The following COBL variants were observed in gnomAD, a reference collection of about 807,000 sequenced individuals.
COBL encodes the protein protein cordon-bleu.
COBL carries 51 observed loss-of-function variants against 98.8 expected under a neutral mutation model. The observed-to-expected ratio is 0.52, with a 90% confidence interval of 0.41 to 0.65. COBL has a LOEUF of 0.65. COBL is among the 30% of genes least tolerant of loss of function. COBL has a pLI of 0.00. For missense variants in COBL, 1,617 were observed against 1,617.5 expected (o/e 1.00, Z 0.01); for synonymous variants, 634 against 651.7 (o/e 0.97, Z 0.41).
At chr7:51,121,599 G>C (rs1407194425) in intron 6 of COBL, among the ~76,000 whole-genome samples, 1 of 152,186 alleles carries the variant, frequency 6.6e-6, no homozygotes, top group Non-Finnish European at 1.5e-5. Flanking sequence ...TGAACCCAGA[G>C]CAGTCAAGGC....
chr7:51,017,585 T>G lies in COBL; in HGVS notation c.3769-17A>C, dbSNP rs370387174. 4 of 1,613,714 alleles carry G rather than the reference T, an allele frequency of 2.5e-6. No homozygotes were observed. The African/African-American group carries it at 5.3e-5, about 22-fold the overall frequency. Reference sequence around the variant, plus strand: ...CAAGGGCACCTGCAGGGAAGAGAGATTCACAGTTATTTGGTATGTCAATAA... The same window carrying G: ...CAAGGGCACCTGCAGGGAAGAGAGAGTCACAGTTATTTGGTATGTCAATAA... On this transcript the variant is annotated splice_polypyrimidine_tract_variant and intron_variant, in intron 12 of 12. Transcript: ENST00000265136.
At chr7:51,171,758 CAT>C (rs1472937229) in intron 5 of COBL, among the ~76,000 whole-genome samples, 3 of 151,962 alleles carry the variant, frequency 2.0e-5, no homozygotes, top group African/African-American at 7.2e-5. Context: ...AATTTTATAA[CAT>C]ATTTTACTTA....
chr7:51,024,256 C>A (rs574390433), intron 12 of COBL, among the ~76,000 whole-genome samples: 1 of 152,100 alleles, frequency 6.6e-6, no homozygotes, highest in Non-Finnish European at 1.5e-5. Context: ...TTGCAGTGAG[C>A]CGAGATCGCG....
intron 1 of COBL, among the ~76,000 whole-genome samples, chr7:51,281,991 G>A (rs2129177206): frequency 1.3e-5 from 2 of 152,168 alleles, no homozygotes; most frequent in South Asian, 2.1e-4. Context: ...TAAGGAGACT[G>A]TGAGAAGTTT....
At chr7:51,316,388 G>C (rs1038708227) in intron 1 of COBL, 1 of 346,846 alleles carries the variant, frequency 2.9e-6, no homozygotes, top group African/African-American at 2.2e-5. Context: ...CCTGGGCAAC[G>C]ACCCGGGTGC....
intron 1 of COBL, among the ~76,000 whole-genome samples, chr7:51,269,743 T>C (rs577648043): frequency 6.6e-6 from 1 of 152,368 alleles, no homozygotes; most frequent in Admixed American, 6.5e-5. Context: ...AGAGGTTCTT[T>C]ATAGACCCTT....
At chr7:51,085,035 T>G in intron 7 of COBL, 131 bp downstream of exon 7, 1 of 1,310,778 alleles carries the variant, frequency 7.6e-7, no homozygotes, top group Non-Finnish European at 1.1e-6. Flanking sequence ...CAGCCCTTCT[T>G]TCTTTAGCAT....
intron 6 of COBL, among the ~76,000 whole-genome samples, chr7:51,086,647 A>AGT (rs1043581462): frequency 5.6e-5 from 7 of 124,010 alleles, no homozygotes; most frequent in South Asian, 2.6e-4. Context: ...AGAGAGAGAG[A>AGT]GTGTGTGTGT....
Position 51,268,109 on chromosome 7 carries a change from G to T in COBL, c.42-48165C>A, listed in dbSNP as rs56832114. The stretch of plus-strand genomic sequence containing the variant: ...CCCTGCAGGCGCTGTGTCCGCTGCG[G>T]GTGTCCTCAGTTCCACGTGCCGTCT... On this transcript the variant is annotated intron_variant, in intron 1 of 12. Coordinates refer to ENST00000265136, the MANE Select transcript of COBL (RefSeq NM_015198.5). Among the ~76,000 whole-genome samples the T allele has an allele frequency of 1.6e-3, 247 of 152,198 alleles. 1 individual carries two copies. Among genetic ancestry groups the T allele is most frequent in the African/African-American group, 5.6e-3 (234 of 41,524 alleles).
At chr7:51,134,138 G>A (rs529265134) in intron 6 of COBL, among the ~76,000 whole-genome samples, 3 of 152,112 alleles carry the variant, frequency 2.0e-5, no homozygotes, top group Non-Finnish European at 2.9e-5. Flanking sequence ...AGGAATTGAC[G>A]TTCTTCCCCA....
At chr7:51,055,593 AC>A (rs1037573122) in intron 7 of COBL, among the ~76,000 whole-genome samples, 1 of 152,032 alleles carries the variant, frequency 6.6e-6, no homozygotes, top group African/African-American at 2.4e-5. Flanking sequence ...GATTGTCCAG[AC>A]CCCATACCCC....
At chr7:51,170,250 C>G (rs1362764798) in intron 5 of COBL, among the ~76,000 whole-genome samples, 1 of 149,092 alleles carries the variant, frequency 6.7e-6, no homozygotes, top group Non-Finnish European at 1.5e-5. Flanking sequence ...AGTTTATTTC[C>G]CCCCACAAAT....
At chr7:51,263,047 C>A (rs950850147) in intron 1 of COBL, among the ~76,000 whole-genome samples, 2 of 152,170 alleles carry the variant, frequency 1.3e-5, no homozygotes, top group African/African-American at 2.4e-5. Flanking sequence ...GGGGCCCTGA[C>A]GCAGTGTTAA....
At chr7:51,067,122 C>T (rs759961290) in intron 7 of COBL, among the ~76,000 whole-genome samples, 9 of 151,900 alleles carry the variant, frequency 5.9e-5, no homozygotes, top group Admixed American at 1.3e-4. Context: ...TGTGGGGTGG[C>T]GTGGGGGTGG....
At chr7:51,144,605 T>C (rs763467388) in intron 5 of COBL, among the ~76,000 whole-genome samples, 16 of 152,226 alleles carry the variant, frequency 1.1e-4, no homozygotes, top group Admixed American at 3.9e-4. Flanking sequence ...GTTAAGTACA[T>C]TGACACTATC....
chr7:51,274,369 T>A (rs1056145098), intron 1 of COBL, among the ~76,000 whole-genome samples: 2 of 152,226 alleles, frequency 1.3e-5, no homozygotes, highest in African/African-American at 2.4e-5. Flanking sequence ...CTCCTGGGCA[T>A]GGTCCTGAGG....
chr7:51,209,556 T>G (rs1395782424), intron 2 of COBL, among the ~76,000 whole-genome samples: 1 of 152,224 alleles, frequency 6.6e-6, no homozygotes, highest in Non-Finnish European at 1.5e-5. Flanking sequence ...AACATCACTA[T>G]GCACATGCAG....
At chr7:51,206,112 T>C (rs1191719451) in intron 2 of COBL, among the ~76,000 whole-genome samples, 1 of 152,154 alleles carries the variant, frequency 6.6e-6, no homozygotes, top group Non-Finnish European at 1.5e-5. Context: ...GGTACAGCCA[T>C]TATGGAAAAC....
chr7:51,078,379 G>C (rs973643502), intron 7 of COBL, among the ~76,000 whole-genome samples: 1 of 152,090 alleles, frequency 6.6e-6, no homozygotes, highest in Non-Finnish European at 1.5e-5. Context: ...CAGCCTTAGG[G>C]GGAAGCTGAC....
Sources: allele counts gnomAD v4.1 joint callset (sites outside exome capture counted in the v4.1 genomes callset), GRCh38; gene constraint gnomAD v4.1.1; transcripts MANE v1.5; gene names NCBI Gene and HGNC (gene_info 2026-07-23, HGNC 2026-07-21).